Variants in SHROOM2 observed in about 807,000 individuals in gnomAD.
The protein encoded by SHROOM2 is shroom family member 2, also known as protein Shroom2.
In SHROOM2, 33 loss-of-function variants were observed where a neutral mutation model predicts 75.9. The ratio of observed to expected loss-of-function variants is 0.43; its 90% CI spans 0.33 to 0.58. The LOEUF is 0.58. SHROOM2 is among the 20% of genes least tolerant of loss of function. The pLI is 0.04. For missense variants in SHROOM2, 1,434 were observed against 1,461.2 expected, an observed-to-expected ratio of 0.98 and a Z score of 0.30; for synonymous variants, 655 against 663.6, an observed-to-expected ratio of 0.99 and a Z score of 0.20.
intron 1 of SHROOM2, among the ~76,000 whole-genome samples, chrX:9,820,228 C>T (rs1175475564): frequency 1.0e-5 from 1 of 96,528 alleles, no homozygotes; most frequent in African/African-American, 3.9e-5. Context: ...CATCATATGT[C>T]GACTGAAGCT....
At chrX:9,845,202 G>A (rs958261856) in intron 1 of SHROOM2, among the ~76,000 whole-genome samples, 1 of 112,336 alleles carries the variant, frequency 8.9e-6, no homozygotes, top group Admixed American at 9.4e-5. Context: ...GTAGTTGGCC[G>A]ACCCTTACTT....
intron 1 of SHROOM2, among the ~76,000 whole-genome samples, chrX:9,804,840 T>C (rs1236140482): frequency 9.0e-6 from 1 of 111,711 alleles, no homozygotes; most frequent in Non-Finnish European, 1.9e-5. Flanking sequence ...GAACCCCTAC[T>C]GTATGCCAGC....
chrX:9,939,632 T>C (rs4830677), intron 8 of SHROOM2, among the ~76,000 whole-genome samples: 42,146 of 111,369 alleles, frequency 0.38, 7,099 homozygotes, highest in African/African-American at 0.65. Context: ...ACCATTCTCT[T>C]TCATTTTATC....
intron 5 of SHROOM2, chrX:9,913,237 C>G (rs1010177674): frequency 2.7e-5 from 3 of 112,450 alleles, no homozygotes; most frequent in East Asian, 5.6e-4. Context: ...GGTGAGTCAG[C>G]TACATCCTCA....
intron 5 of SHROOM2, among the ~76,000 whole-genome samples, chrX:9,929,741 G>A (rs956383932): frequency 5.4e-5 from 6 of 111,952 alleles, no homozygotes; most frequent in African/African-American, 1.9e-4. Context: ...ATGTGGTGAT[G>A]TGATATGGTT....
chrX:9,820,497 C>CT (rs1312348016), intron 1 of SHROOM2, among the ~76,000 whole-genome samples: 2 of 111,091 alleles, frequency 1.8e-5, no homozygotes, highest in Non-Finnish European at 3.8e-5. Flanking sequence ...TCCCAAGTAG[C>CT]TGGGACTACA....
intron 5 of SHROOM2, among the ~76,000 whole-genome samples, chrX:9,931,781 A>G (rs905753313): frequency 8.9e-6 from 1 of 112,259 alleles, no homozygotes; most frequent in Non-Finnish European, 1.9e-5. Context: ...CCACATAAAA[A>G]TACTGTGACT....
chrX:9,943,401 A>G (rs2084789186), intron 8 of SHROOM2, among the ~76,000 whole-genome samples: 1 of 111,002 alleles, frequency 9.0e-6, no homozygotes, highest in Admixed American at 9.7e-5. Flanking sequence ...GAATCAGGGC[A>G]CGACCACTTG....
At chrX:9,861,046 G>C (rs1199451930) in intron 1 of SHROOM2, among the ~76,000 whole-genome samples, 1 of 112,178 alleles carries the variant, frequency 8.9e-6, no homozygotes, top group Non-Finnish European at 1.9e-5. Flanking sequence ...TTGTTCATTG[G>C]GTACTGTTGT....
At chrX:9,918,594 A>G (rs1339798315) in intron 5 of SHROOM2, among the ~76,000 whole-genome samples, 1 of 111,895 alleles carries the variant, frequency 8.9e-6, no homozygotes, top group African/African-American at 3.2e-5. Context: ...GGCTCAAGCA[A>G]TCTTCCCACC....
At chrX:9,882,667 T>G (rs1198608314) in intron 2 of SHROOM2, among the ~76,000 whole-genome samples, 1 of 111,622 alleles carries the variant, frequency 9.0e-6, no homozygotes, top group African/African-American at 3.3e-5. Flanking sequence ...AGGACCCAGG[T>G]TGAACACCAG....
intron 1 of SHROOM2, among the ~76,000 whole-genome samples, chrX:9,808,695 C>G (rs1300065701): frequency 9.1e-6 from 1 of 110,125 alleles, no homozygotes; most frequent in Non-Finnish European, 1.9e-5. Flanking sequence ...AACCCTGTCT[C>G]CACTAAAAAT....
intron 1 of SHROOM2, among the ~76,000 whole-genome samples, chrX:9,858,883 TGGCGGTGCTTTGACTA>T (rs2084087367): frequency 9.0e-6 from 1 of 111,625 alleles, no homozygotes; most frequent in Non-Finnish European, 1.9e-5. Context: ...GGAAGCCTGC[TGGCGGTGCTTTGACTA>T]AACAATTCTT....
intron 2 of SHROOM2, among the ~76,000 whole-genome samples, chrX:9,890,624 C>A (rs1011913336): frequency 5.3e-5 from 6 of 112,178 alleles, no homozygotes; most frequent in Non-Finnish European, 1.1e-4. Flanking sequence ...CGAGCGCGCA[C>A]GCGCTGCTTG....
At chrX:9,913,559 A>G (rs1368258666) in intron 5 of SHROOM2, among the ~76,000 whole-genome samples, 1 of 112,294 alleles carries the variant, frequency 8.9e-6, no homozygotes, top group Non-Finnish European at 1.9e-5. Flanking sequence ...GTGTGTGCAG[A>G]GGGTCGATGG....
chrX:9,879,370 C>T (rs937320519), intron 2 of SHROOM2, among the ~76,000 whole-genome samples: 10 of 112,164 alleles, frequency 8.9e-5, no homozygotes, highest in African/African-American at 3.2e-4. Context: ...AAGCGATTCT[C>T]GTGCCTCAGC....
At chrX:9,938,250 TA>T (rs1359398904) in intron 7 of SHROOM2, among the ~76,000 whole-genome samples, 4 of 112,476 alleles carry the variant, frequency 3.6e-5, no homozygotes, top group Non-Finnish European at 5.6e-5. Flanking sequence ...CATCTGCATT[TA>T]AAAAATTTAT....
intron 1 of SHROOM2, among the ~76,000 whole-genome samples, chrX:9,823,763 CT>C (rs1256233985): frequency 1.3e-4 from 11 of 81,985 alleles, no homozygotes; most frequent in Admixed American, 1.5e-4. Flanking sequence ...TTTCTTTTTT[CT>C]TTTTTTTTTT....
In SHROOM2 at chrX:9,932,883, G is replaced by A. The variant is rs761281564; in HGVS notation, c.3587+13G>A. On this transcript the variant is annotated intron_variant, in intron 6 of 9. Coordinates refer to ENST00000380913, the MANE Select transcript of SHROOM2 (RefSeq NM_001649.4). ...AGGATTCAACCAGGTACTGTCCTGCGACGGTGTTCCCTCCCCATGAGGCTC... is the reference window on the plus strand; with the variant it reads ...AGGATTCAACCAGGTACTGTCCTGCAACGGTGTTCCCTCCCCATGAGGCTC... The A allele has an allele frequency of 9.6e-6, 11 of 1,151,742 alleles. No individual in the cohort carries two copies. Among genetic ancestry groups the A allele is most frequent in the African/African-American group, 3.6e-5 (2 of 56,151 alleles). 94.9% of individuals were successfully genotyped at this position (1,151,742 alleles called of 1,213,427 possible).
Sources: gnomAD v4.1 joint callset for allele counts (sites outside exome capture counted in the v4.1 genomes callset) on GRCh38, gnomAD v4.1.1 for gene constraint, MANE v1.5 for transcripts, NCBI Gene and HGNC (gene_info 2026-07-23, HGNC 2026-07-21) for gene names.